ERICH1: variants seen among roughly 807,000 people sequenced by gnomAD.
ERICH1 encodes glutamate rich 1.
Under a neutral mutation model 39.6 loss-of-function variants are expected in ERICH1, and 56 were observed. The ratio of observed to expected loss-of-function variants is 1.41; its 90% CI spans 1.14 to 1.77. The LOEUF is 1.77. ERICH1 is among the 40% of genes most tolerant of loss of function. ERICH1 has a pLI of 0.00. For missense variants in ERICH1, 826 were observed against 575.4 expected (o/e 1.44, Z -4.45); for synonymous variants, 313 against 223.6 (o/e 1.40, Z -3.57).
In ERICH1 at chr8:636,820, C is replaced by T. The variant is rs138304329; in HGVS notation, c.977-21536G>A. ...GAGGGATGCTCTGGGCTCTGCCCTC[C>T]CGTCCAGAATCCTCCATGACTTCCA... On this transcript the variant is annotated intron_variant, in intron 3 of 3. Coordinates refer to the ERICH1 transcript ENST00000522706. 2.3e-3 allele frequency among the ~76,000 whole-genome samples: 348 copies of T among 152,348 alleles called. 1 individual carries two copies. The highest frequency in any genetic ancestry group is 8.0e-3 in the African/African-American group (333 of 41,592).
intron 3 of ERICH1, 119 bp downstream of exon 3, chr8:692,359 C>T: frequency 6.9e-7 from 1 of 1,443,166 alleles, no homozygotes; most frequent in Non-Finnish European, 9.4e-7. Context: ...TACAGTGTAA[C>T]AACATGCTCA....
At chr8:724,973 G>A (rs966364356) in intron 1 of ERICH1, among the ~76,000 whole-genome samples, 1 of 152,166 alleles carries the variant, frequency 6.6e-6, no homozygotes, top group African/African-American at 2.4e-5. Flanking sequence ...AGCCACGAAG[G>A]ACCATGTGGT....
chr8:630,404 C>T (rs1471880207), intron 3 of ERICH1, among the ~76,000 whole-genome samples: 1 of 145,160 alleles, frequency 6.9e-6, no homozygotes, highest in African/African-American at 2.5e-5. Context: ...AGAGCTGACT[C>T]ACACCCTCCT....
At chr8:724,431 G>A (rs1398564394) in intron 1 of ERICH1, among the ~76,000 whole-genome samples, 5 of 152,124 alleles carry the variant, frequency 3.3e-5, no homozygotes, top group Admixed American at 6.5e-5. Context: ...TTACCTTCAC[G>A]GGCGGCTGCA....
intron 3 of ERICH1, among the ~76,000 whole-genome samples, chr8:682,376 C>CT (rs1241313085): frequency 6.6e-6 from 1 of 152,244 alleles, no homozygotes; most frequent in Non-Finnish European, 1.5e-5. Flanking sequence ...CCAAACAGCT[C>CT]TGAGGCCCTG....
intron 2 of ERICH1, among the ~76,000 whole-genome samples, chr8:696,945 A>C (rs1440327200): frequency 3.6e-4 from 29 of 81,082 alleles, no homozygotes; most frequent in South Asian, 8.3e-4. Context: ...CTCACCCTCC[A>C]CTCCTTCCTC....
chr8:630,434 G>C (rs1797936682), intron 3 of ERICH1, among the ~76,000 whole-genome samples: 2 of 137,452 alleles, frequency 1.5e-5, no homozygotes, highest in Non-Finnish European at 3.1e-5. Context: ...CACACAGACA[G>C]AGATGACTCA....
chr8:693,518 AC>A (rs1260138474), intron 2 of ERICH1, among the ~76,000 whole-genome samples: 2 of 151,958 alleles, frequency 1.3e-5, no homozygotes, highest in African/African-American at 4.8e-5. Context: ...GGCTGCTGGA[AC>A]CTCCCCGCTG....
At chr8:634,297 G>T (rs1039216610) in intron 3 of ERICH1, among the ~76,000 whole-genome samples, 1 of 152,076 alleles carries the variant, frequency 6.6e-6, no homozygotes. Flanking sequence ...CACCTCACCC[G>T]TTGGGATGGC....
At chr8:684,942 G>T (rs771634996) in intron 3 of ERICH1, among the ~76,000 whole-genome samples, 2 of 152,224 alleles carry the variant, frequency 1.3e-5, no homozygotes, top group Admixed American at 6.5e-5. Flanking sequence ...AGGCCAGGGC[G>T]AAACTAGAAT....
intron 1 of ERICH1, among the ~76,000 whole-genome samples, chr8:721,503 T>C (rs377019944): frequency 1.4e-4 from 21 of 152,334 alleles, no homozygotes; most frequent in African/African-American, 5.0e-4. Flanking sequence ...CCCACACACC[T>C]GGCCCAGGCA....
intron 3 of ERICH1, among the ~76,000 whole-genome samples, chr8:629,298 C>T (rs1354443921): frequency 2.6e-5 from 4 of 152,164 alleles, no homozygotes; most frequent in Non-Finnish European, 5.9e-5. Flanking sequence ...AGCTGACTCA[C>T]ACCCTCCCGT....
chr8:703,603 G>T (rs1177704998), intron 2 of ERICH1, among the ~76,000 whole-genome samples: 1 of 152,228 alleles, frequency 6.6e-6, no homozygotes, highest in African/African-American at 2.4e-5. Context: ...AAGATAAACA[G>T]GGAGGGAGAG....
At chr8:720,684 G>C (rs760708268) in intron 1 of ERICH1, among the ~76,000 whole-genome samples, 1 of 152,150 alleles carries the variant, frequency 6.6e-6, no homozygotes, top group Non-Finnish European at 1.5e-5. Context: ...GAGCACGGTC[G>C]TCAAAATAAA....
rs190058984 is a variant in ERICH1, at chr8:720,546, A to C, written c.23-4539T>G. Reference sequence around the variant, plus strand: ...CTTAACGTTTAAATCCCGAGTTTTCATATGGAGGGTGGGAGTGGGAAGAAG... The same window carrying C: ...CTTAACGTTTAAATCCCGAGTTTTCCTATGGAGGGTGGGAGTGGGAAGAAG... On this transcript the variant is annotated intron_variant, in intron 1 of 5. Coordinates refer to ENST00000262109, the MANE Select transcript of ERICH1 (RefSeq NM_207332.3). Among the ~76,000 whole-genome samples, 52 of 152,334 alleles carry C rather than the reference A, an allele frequency of 3.4e-4. 1 individual carries two copies. Among genetic ancestry groups the C allele is most frequent in the Admixed American group, 1.3e-3 (20 of 15,306 alleles).
At chr8:696,576 T>C (rs111162120) in intron 2 of ERICH1, among the ~76,000 whole-genome samples, 4 of 51,180 alleles carry the variant, frequency 7.8e-5, no homozygotes, top group African/African-American at 1.3e-4. Context: ...CATCAGCCTG[T>C]ACTCGCTCCT....
chr8:649,593 T>A (rs1461044218), intron 3 of ERICH1, among the ~76,000 whole-genome samples: 1 of 150,880 alleles, frequency 6.6e-6, no homozygotes, highest in Non-Finnish European at 1.5e-5. Context: ...GCACCGTACC[T>A]CTCTCGGGGG....
intron 3 of ERICH1, among the ~76,000 whole-genome samples, chr8:627,659 A>C (rs1360838768): frequency 6.6e-6 from 1 of 152,164 alleles, no homozygotes; most frequent in Non-Finnish European, 1.5e-5. Context: ...GCCTCCCTGC[A>C]CCACCTGAAC....
rs527637884 is a variant in ERICH1 at position 728,687 on chromosome 8, G to C, written c.22+2453C>G. On this transcript the variant is annotated intron_variant, in intron 1 of 5. Transcript: ENST00000262109. ...CTCTTCAATTAGGAGAGCAGTTCATGGTCGGAGCTGCACAGCACCTCTCAG... is the reference window on the plus strand; with the variant it reads ...CTCTTCAATTAGGAGAGCAGTTCATCGTCGGAGCTGCACAGCACCTCTCAG... Among the ~76,000 whole-genome samples, 8 of 152,308 alleles carry C rather than the reference G, an allele frequency of 5.3e-5. No individual in the cohort carries two copies. In the South Asian group the frequency reaches 1.7e-3, roughly 32 times the overall value.
Sources: allele counts gnomAD v4.1 joint callset (sites outside exome capture counted in the v4.1 genomes callset), GRCh38; gene constraint gnomAD v4.1.1; transcripts MANE v1.5; gene names NCBI Gene and HGNC (gene_info 2026-07-23, HGNC 2026-07-21).